Variants in FIBP observed in about 807,000 individuals in gnomAD.
FIBP encodes FGF1 intracellular binding protein.
A neutral mutation model predicts 40.5 loss-of-function variants in FIBP; 29 were observed. The ratio of observed to expected loss-of-function variants is 0.72; its 90% CI spans 0.53 to 0.98. The LOEUF is 0.98. Among genes scored for constraint, FIBP ranks in the 50% least tolerant of loss-of-function variants. FIBP has a pLI of 0.00. For synonymous variants in FIBP, 215 were observed against 191.1 expected, an observed-to-expected ratio of 1.13 and a Z score of -1.03; for missense variants, 411 against 470.2, an observed-to-expected ratio of 0.87 and a Z score of 1.16.
At chr11:65,884,782 C>T in intron 7 of FIBP, 126 bp from the exon 8 acceptor site, 1 of 1,312,602 alleles carries the variant, frequency 7.6e-7, no homozygotes, top group South Asian at 1.2e-5. Context: ...AACCAAGTCC[C>T]CATTGTTTAT....
At chr11:65,885,302 G>A in intron 5 of FIBP, 116 bp from the exon 6 acceptor site, 1 of 984,314 alleles carries the variant, frequency 1.0e-6, no homozygotes, top group Middle Eastern at 2.4e-4. Context: ...GAAATGGAGT[G>A]TCAGAGAGAT....
chr11:65,886,260 G>T, intron 4 of FIBP, 62 bp downstream of exon 4: 1 of 1,137,294 alleles, frequency 8.8e-7, no homozygotes, highest in Non-Finnish European at 1.3e-6. Flanking sequence ...GGGTAGGGAA[G>T]GTGGACGAGC....
chr11:65,885,216 G>GGGGGGGGGC, intron 5 of FIBP, 30 bp from the exon 6 acceptor site: 1 of 793,182 alleles, frequency 1.3e-6, no homozygotes, highest in Non-Finnish European at 2.2e-6. Context: ...GTGGGGGTGG[G>GGGGGGGGGC]TGATAAAAAC....
At chr11:65,887,514 A>C (rs766205067) in intron 3 of FIBP, 86 bp downstream of exon 3, 13 of 1,451,872 alleles carry the variant, frequency 9.0e-6, no homozygotes, top group Non-Finnish European at 1.3e-5. Flanking sequence ...CTGCTGCCAC[A>C]ATCAGAGGCT....
intron 3 of FIBP, 147 bp from the exon 4 acceptor site, chr11:65,886,569 CAACT>C (rs889742526): frequency 3.2e-6 from 2 of 626,484 alleles, no homozygotes; most frequent in Non-Finnish European, 5.9e-6. Flanking sequence ...TTCCTTCAAC[CAACT>C]ATTAGTTATT....
chr11:65,884,487 A>G lies in FIBP; in HGVS notation c.909T>C (p.Phe303=). Residue 303 remains phenylalanine (F), a splice_region_variant and synonymous_variant, in exon 9 of 10, where the codon TTT becomes TTC. Transcript: ENST00000357519. ...RDLFVDLVEK[F]VEPCRSDHWP... ...AGTGGTCGGAGCGGCAGGGTTCCAC[A>G]AACTGCGGGCCCAAGAGAATACTTA... 1 of 1,614,180 alleles carries G rather than the reference A, an allele frequency of 6.2e-7. No individual in the cohort carries two copies. The highest frequency in any genetic ancestry group is 8.5e-7 in the Non-Finnish European group (1 of 1,180,036).
chr11:65,884,504 G>A lies in FIBP; in HGVS notation c.907-15C>T. The A allele has an allele frequency of 2.5e-6, 4 of 1,614,146 alleles. No individual in the cohort carries two copies. The highest frequency in any genetic ancestry group is 1.3e-5 in the African/African-American group (1 of 75,044). ...GGTTCCACAAACTGCGGGCCCAAGAGAATACTTAGCACTTGTATAGGCCAG... is the reference window on the plus strand; with the variant it reads ...GGTTCCACAAACTGCGGGCCCAAGAAAATACTTAGCACTTGTATAGGCCAG... On this transcript the variant is annotated splice_polypyrimidine_tract_variant and intron_variant, in intron 8 of 9. Transcript: ENST00000357519.
Position 65,884,061 on chromosome 11 carries a change from G to T in FIBP, c.1005-18C>A, listed in dbSNP as rs758150067. ...CCTGGTGTCTGTAAGAACATGAACA[G>T]TGACAGCTGAGTTTTCACAACACTC... On this transcript the variant is annotated intron_variant, in intron 9 of 9. Transcript: ENST00000357519. The T allele has an allele frequency of 6.2e-7, 1 of 1,607,942 alleles. No homozygotes were observed. The highest frequency in any genetic ancestry group is 2.2e-5 in the East Asian group (1 of 44,816).
intron 9 of FIBP, 66 bp from the exon 10 acceptor site, chr11:65,884,109 G>A (rs1860164385): frequency 7.7e-7 from 1 of 1,295,464 alleles, no homozygotes; most frequent in Non-Finnish European, 1.1e-6. Context: ...GCCCTGCCCT[G>A]CGTGCTTTCT....
At position 65,883,873 on chromosome 11, in the gene FIBP, A is replaced by G; in HGVS notation, c.*101T>C. 9.8e-7 allele frequency: 1 copy of G among 1,021,186 alleles called. No individual in the cohort carries two copies. Among genetic ancestry groups the G allele is most frequent in the Non-Finnish European group, 1.5e-6 (1 of 675,950 alleles). The allele number at this position is 1,021,186 out of a possible 1,614,324, so 63.3% of individuals were successfully genotyped here. A position where few individuals can be genotyped will look rare whatever the true frequency, so the allele number is the denominator to read the frequency against. On this transcript the variant is annotated 3_prime_UTR_variant, in exon 10 of 10. Coordinates refer to ENST00000357519, the MANE Select transcript of FIBP (RefSeq NM_004214.5). ...ACACCAGGTGCTCAGAGACAGACAC[A>G]GGCACATCTGCACGCCCCCCACTTG...
intron 3 of FIBP, chr11:65,887,327 T>C: frequency 2.1e-6 from 1 of 466,352 alleles, no homozygotes; most frequent in Non-Finnish European, 3.9e-6. Flanking sequence ...GCGCCTGTAA[T>C]CTCAGCTACT....
rs771893343 is a variant in FIBP, at chr11:65,884,611, T to G, written c.865A>C (p.Asn289His). ...LVNVAAKLTH[N>H]KDVRDLFVDL... ...ACAAACAGGTCTCTGACATCTTTATTGTGGGTCAGCTTGGCGGCCACGTTC... is the reference window on the plus strand; with the variant it reads ...ACAAACAGGTCTCTGACATCTTTATGGTGGGTCAGCTTGGCGGCCACGTTC... Residue 289 changes from asparagine to histidine, a missense_variant, in exon 8 of 10, where the codon AAT becomes CAT. Physicochemically the swap from Asn to His is moderately conservative, Grantham distance 68. Coordinates refer to ENST00000357519, the MANE Select transcript of FIBP (RefSeq NM_004214.5). 3.7e-6 allele frequency: 6 copies of G among 1,614,034 alleles called. No individual in the cohort carries two copies. Among genetic ancestry groups the G allele is most frequent in the Non-Finnish European group, 5.1e-6 (6 of 1,180,006 alleles).
At chr11:65,886,154 G>C (rs1283123945) in intron 4 of FIBP, 168 bp downstream of exon 4, 2 of 537,230 alleles carry the variant, frequency 3.7e-6, no homozygotes, top group African/African-American at 4.1e-5. Flanking sequence ...CAACAAGAGT[G>C]AAACTCCGTC....
chr11:65,885,741 G>T, intron 4 of FIBP, 78 bp from the exon 5 acceptor site: 1 of 1,433,240 alleles, frequency 7.0e-7, no homozygotes, highest in Non-Finnish European at 9.5e-7. Flanking sequence ...AACCTCAGCT[G>T]GGTGTCCGAG....
intron 3 of FIBP, chr11:65,887,378 G>A (rs377762560): frequency 2.7e-5 from 15 of 563,116 alleles, no homozygotes; most frequent in South Asian, 3.9e-5. Flanking sequence ...CCCAGGAGGC[G>A]GAGGTTGCAG....
chr11:65,887,901 G>A, intron 2 of FIBP, 33 bp downstream of exon 2: 1 of 1,606,344 alleles, frequency 6.2e-7, no homozygotes, highest in Non-Finnish European at 8.5e-7. Context: ...AGTCAGACTG[G>A]TTGATGTCTC....
chr11:65,885,703 T>G, intron 4 of FIBP, 40 bp from the exon 5 acceptor site: 2 of 1,562,144 alleles, frequency 1.3e-6, no homozygotes, highest in Non-Finnish European at 1.7e-6. Context: ...GGCTTGAAAT[T>G]CCTTCTTAGG....
chr11:65,884,525 G>A (rs1860177891), intron 8 of FIBP, 36 bp from the exon 9 acceptor site: 1 of 1,613,720 alleles, frequency 6.2e-7, no homozygotes, highest in South Asian at 1.1e-5. Flanking sequence ...ACTTGTATAG[G>A]CCAGGGACAG....
chr11:65,888,314 C>T lies in FIBP; in HGVS notation c.85+20G>A, dbSNP rs1208779302. 2 of 1,546,684 alleles carry T rather than the reference C, an allele frequency of 1.3e-6. No homozygotes were observed. Among genetic ancestry groups the T allele is most frequent in the South Asian group, 1.2e-5 (1 of 84,116 alleles). On this transcript the variant is annotated intron_variant, in intron 1 of 9. Transcript: ENST00000357519. Reference sequence around the variant, plus strand: ...CACAACCGCTCCGCCGACTGGCTTCCCCACACGCCCCTCACGGACCCGAGT... The same window carrying T: ...CACAACCGCTCCGCCGACTGGCTTCTCCACACGCCCCTCACGGACCCGAGT...
Sources: allele counts gnomAD v4.1 joint callset, GRCh38; gene constraint gnomAD v4.1.1; transcripts MANE v1.5; gene names NCBI Gene and HGNC (gene_info 2026-07-23, HGNC 2026-07-21).